Variants in SNTG2 observed in about 807,000 individuals in gnomAD.
SNTG2 encodes gamma-2-syntrophin.
In SNTG2, 74 loss-of-function variants were observed where a neutral mutation model predicts 70.9. That is an observed-to-expected ratio of 1.04 (90% CI 0.86 to 1.27). The LOEUF (loss-of-function observed/expected upper bound fraction) is 1.27, where lower values mean the gene tolerates loss of function less well. Among genes scored for constraint, SNTG2 ranks in the 50% most tolerant of loss-of-function variants. SNTG2 has a pLI of 0.00. For synonymous variants in SNTG2, 278 were observed against 273.8 expected (o/e 1.02, Z -0.15); for missense variants, 717 against 690.7 (o/e 1.04, Z -0.43).
Position 1,222,111 on chromosome 2 carries a change from CTCTGTCTCTCTCTGTCTCTCTCTG to C in SNTG2, c.719+12885_719+12908del, listed in dbSNP as rs1209378447. Among the ~76,000 whole-genome samples the C allele has an allele frequency of 1.7e-3, 109 of 64,128 alleles. 4 individuals are homozygous for C. The highest frequency in any genetic ancestry group is 6.5e-3 in the African/African-American group (105 of 16,252). 42.1% of individuals were successfully genotyped at this position (64,128 alleles called of 152,430 possible). Reference sequence around the variant, plus strand: ...TCTCTCTCTGTCTCTCTCTGTCTCTCTCTGTCTCTCTCTGTCTCTCTCTGTCTCTCTCTGTCTCTGCCTATCTCT... The same window carrying C: ...TCTCTCTCTGTCTCTCTCTGTCTCTCTCTCTCTCTGTCTCTGCCTATCTCT... On this transcript the variant is annotated intron_variant, in intron 9 of 16. Coordinates refer to ENST00000308624, the MANE Select transcript of SNTG2 (RefSeq NM_018968.4).
At chr2:1,201,467 T>C (rs137997536) in intron 8 of SNTG2, among the ~76,000 whole-genome samples, 1 of 151,960 alleles carries the variant, frequency 6.6e-6, no homozygotes, top group Non-Finnish European at 1.5e-5. Flanking sequence ...ATAAGTTCTA[T>C]TGTTAACATA....
chr2:1,202,844 A>G (rs1673362987), intron 8 of SNTG2, among the ~76,000 whole-genome samples: 1 of 152,220 alleles, frequency 6.6e-6, no homozygotes, highest in Non-Finnish European at 1.5e-5. Context: ...TTTAAAAATA[A>G]TATGAGTTCA....
chr2:1,090,666 C>G (rs1015938244), intron 2 of SNTG2, among the ~76,000 whole-genome samples: 2 of 152,158 alleles, frequency 1.3e-5, no homozygotes, highest in African/African-American at 2.4e-5. Flanking sequence ...TTTGCAGCCC[C>G]CCTTCCCTGA....
intron 1 of SNTG2, among the ~76,000 whole-genome samples, chr2:1,053,961 G>A (rs1662225722): frequency 6.7e-6 from 1 of 149,182 alleles, no homozygotes; most frequent in South Asian, 2.2e-4. Flanking sequence ...ATGAGTGGGA[G>A]ACCTCGTGTT....
chr2:1,298,044 T>G (rs1024110160), intron 14 of SNTG2, among the ~76,000 whole-genome samples: 1 of 152,190 alleles, frequency 6.6e-6, no homozygotes, highest in Non-Finnish European at 1.5e-5. Flanking sequence ...ACTGGGCTGG[T>G]GCTTCTTCCA....
intron 1 of SNTG2, among the ~76,000 whole-genome samples, chr2:1,071,334 A>G (rs1020682574): frequency 1.3e-5 from 2 of 150,872 alleles, no homozygotes; most frequent in Admixed American, 6.6e-5. Context: ...AAAAATGATG[A>G]GTTCATGTCC....
intron 1 of SNTG2, among the ~76,000 whole-genome samples, chr2:989,659 C>T (rs1186002721): frequency 6.6e-6 from 1 of 152,190 alleles, no homozygotes; most frequent in Non-Finnish European, 1.5e-5. Context: ...CCAATTTTCT[C>T]TCATAATATA....
intron 4 of SNTG2, among the ~76,000 whole-genome samples, chr2:1,128,558 A>G (rs534803922): frequency 3.3e-5 from 5 of 152,192 alleles, no homozygotes; most frequent in Non-Finnish European, 7.3e-5. Context: ...CAAAATGCAC[A>G]GTACAGAAAT....
intron 6 of SNTG2, among the ~76,000 whole-genome samples, chr2:1,147,120 A>T (rs1187154848): frequency 2.6e-5 from 4 of 152,194 alleles, no homozygotes; most frequent in Non-Finnish European, 5.9e-5. Context: ...GGATAGTTGT[A>T]TTATGTTAGG....
intron 4 of SNTG2, among the ~76,000 whole-genome samples, chr2:1,133,285 A>G (rs1278447924): frequency 6.6e-6 from 1 of 152,254 alleles, no homozygotes; most frequent in Non-Finnish European, 1.5e-5. Context: ...ATATGAATAA[A>G]TATTTAACAG....
At chr2:998,892 A>G (rs929027180) in intron 1 of SNTG2, among the ~76,000 whole-genome samples, 1 of 152,090 alleles carries the variant, frequency 6.6e-6, no homozygotes, top group Non-Finnish European at 1.5e-5. Context: ...AGACAAAAGC[A>G]TCTGATTACC....
chr2:1,150,089 G>A (rs1051712340), intron 6 of SNTG2, among the ~76,000 whole-genome samples: 3 of 152,184 alleles, frequency 2.0e-5, no homozygotes, highest in African/African-American at 4.8e-5. Context: ...ATCTCTGAGC[G>A]AATGGTGACT....
chr2:1,020,826 T>C (rs942108945), intron 1 of SNTG2, among the ~76,000 whole-genome samples: 6 of 152,168 alleles, frequency 3.9e-5, no homozygotes, highest in Non-Finnish European at 8.8e-5. Flanking sequence ...TTTAACCATA[T>C]GTATATATAT....
intron 12 of SNTG2, among the ~76,000 whole-genome samples, chr2:1,254,423 G>A (rs912647235): frequency 1.3e-5 from 2 of 152,198 alleles, no homozygotes; most frequent in African/African-American, 4.8e-5. Flanking sequence ...TCATTAAAAT[G>A]TGTCAAAATA....
intron 14 of SNTG2, among the ~76,000 whole-genome samples, chr2:1,291,999 T>C (rs1366218173): frequency 2.6e-5 from 4 of 152,176 alleles, no homozygotes; most frequent in Non-Finnish European, 5.9e-5. Flanking sequence ...GGTGTGTTCT[T>C]TAATTTTTGT....
chr2:1,160,270 T>C (rs749725151), intron 6 of SNTG2: 1 of 152,076 alleles, frequency 6.6e-6, no homozygotes, highest in Non-Finnish European at 1.5e-5. Context: ...TACAAAGGCA[T>C]AGAATTTCCA....
chr2:1,265,007 A>T (rs1678645596), intron 13 of SNTG2, among the ~76,000 whole-genome samples: 1 of 152,254 alleles, frequency 6.6e-6, no homozygotes, highest in South Asian at 2.1e-4. Flanking sequence ...GTTATGCATG[A>T]ATCTTCAACT....
Position 1,096,245 on chromosome 2 carries a change from C to T in SNTG2, c.211-1951C>T, listed in dbSNP as rs578260741. Among the ~76,000 whole-genome samples the T allele has an allele frequency of 2.0e-5, 3 of 152,262 alleles. No individual in the cohort carries two copies. The South Asian group carries it at 6.2e-4, about 32-fold the overall frequency. On this transcript the variant is annotated intron_variant, in intron 2 of 16. Transcript: ENST00000308624. Reference sequence around the variant, plus strand: ...AAAAATTGTACATGCTTAAGGTGTACAGGGTATGTTCTCATATGCATATAC... The same window carrying T: ...AAAAATTGTACATGCTTAAGGTGTATAGGGTATGTTCTCATATGCATATAC...
chr2:1,316,419 T>A, intron 16 of SNTG2, 44 bp downstream of exon 16: 1 of 1,031,138 alleles, frequency 9.7e-7, no homozygotes, highest in Non-Finnish European at 1.5e-6. Flanking sequence ...CACCCACACA[T>A]AAAGTACAGC....
Sources: gnomAD v4.1 joint callset for allele counts (sites outside exome capture counted in the v4.1 genomes callset) on GRCh38, gnomAD v4.1.1 for gene constraint, MANE v1.5 for transcripts, NCBI Gene and HGNC (gene_info 2026-07-23, HGNC 2026-07-21) for gene names.